Variants in NEK6 observed in about 807,000 individuals in gnomAD.
NEK6 encodes the protein NIMA related kinase 6, also known as serine/threonine-protein kinase Nek6.
Under a neutral mutation model 43.5 loss-of-function variants are expected in NEK6, and 27 were observed. That is an observed-to-expected ratio of 0.62 (90% CI 0.46 to 0.86). The LOEUF is 0.86. Among genes scored for constraint, NEK6 ranks in the 40% least tolerant of loss-of-function variants. The pLI, the probability that NEK6 is intolerant of heterozygous loss-of-function variation, is 0.00. For missense variants in NEK6, 318 were observed against 414.4 expected (o/e 0.77, Z 2.02); for synonymous variants, 167 against 164.1 (o/e 1.02, Z -0.14).
rs999593737 is a variant in NEK6, at chr9:124,275,384, G to C, written c.-30+17299G>C. Among the ~76,000 whole-genome samples the C allele has an allele frequency of 1.3e-5, 2 of 152,180 alleles. No individual in the cohort carries two copies. Among genetic ancestry groups the C allele is most frequent in the Non-Finnish European group, 2.9e-5 (2 of 68,034 alleles). ...CCCAGCACTGTGGAGGGGTGACCTG[G>C]TTGATGACGGTCATGGAGCCCAGAA... On this transcript the variant is annotated intron_variant, in intron 1 of 9. Transcript: ENST00000320246. This position sits in a 1 kb window ranked among gnomAD's most constrained non-coding sequence, Gnocchi z 4.4.
intron 2 of NEK6, among the ~76,000 whole-genome samples, chr9:124,305,033 T>G (rs569748941): frequency 9.8e-5 from 15 of 152,358 alleles, no homozygotes; most frequent in African/African-American, 3.1e-4. Flanking sequence ...TATTCTTGCC[T>G]GAGAAAGCCC....
At chr9:124,277,074 G>A (rs1831678572) in intron 1 of NEK6, among the ~76,000 whole-genome samples, 1 of 152,188 alleles carries the variant, frequency 6.6e-6, no homozygotes, top group African/African-American at 2.4e-5. Flanking sequence ...AGGCCAGTGG[G>A]GAGGCCCAGG....
chr9:124,264,660 G>T (rs981258898), intron 1 of NEK6, among the ~76,000 whole-genome samples: 1 of 151,972 alleles, frequency 6.6e-6, no homozygotes, highest in South Asian at 2.1e-4. Context: ...CGAAAAATTA[G>T]CTGGGCGTGG....
chr9:124,331,661 G>T (rs1829004558), intron 7 of NEK6, among the ~76,000 whole-genome samples: 1 of 152,256 alleles, frequency 6.6e-6, no homozygotes, highest in South Asian at 2.1e-4. Flanking sequence ...GGGAAGGACA[G>T]AGCCTCCTCT....
At chr9:124,314,014 TG>T in intron 4 of NEK6, 29 bp downstream of exon 4, 1 of 1,611,074 alleles carries the variant, frequency 6.2e-7, no homozygotes, top group Non-Finnish European at 8.5e-7. Context: ...GCGGGAGCTT[TG>T]CCTCCTCGGG....
At chr9:124,300,429 G>A (rs972479737) in intron 1 of NEK6, among the ~76,000 whole-genome samples, 1 of 152,114 alleles carries the variant, frequency 6.6e-6, no homozygotes, top group Non-Finnish European at 1.5e-5. Context: ...CAGGGCTGCT[G>A]GCCCAGCAGA....
At chr9:124,281,552 G>A (rs1404188223) in intron 1 of NEK6, among the ~76,000 whole-genome samples, 1 of 139,506 alleles carries the variant, frequency 7.2e-6, no homozygotes, top group Non-Finnish European at 1.5e-5. Context: ...CCAGACTGGA[G>A]TGCAGTGGTG....
At chr9:124,293,626 C>T (rs913045374) in intron 1 of NEK6, among the ~76,000 whole-genome samples, 1 of 152,182 alleles carries the variant, frequency 6.6e-6, no homozygotes, top group Non-Finnish European at 1.5e-5. Flanking sequence ...TGACTTTTGT[C>T]TGATCTGTGA....
chr9:124,287,066 A>G (rs895070793), intron 1 of NEK6, among the ~76,000 whole-genome samples: 14 of 152,114 alleles, frequency 9.2e-5, no homozygotes, highest in Non-Finnish European at 1.6e-4. Flanking sequence ...GGACAGAGGG[A>G]CAGCTGGCCA....
chr9:124,304,159 C>T (rs1245837901), intron 2 of NEK6, among the ~76,000 whole-genome samples: 3 of 152,238 alleles, frequency 2.0e-5, no homozygotes, highest in Non-Finnish European at 4.4e-5. Flanking sequence ...TGTGCCGTGC[C>T]GGCTCCAGGT....
intron 1 of NEK6, among the ~76,000 whole-genome samples, chr9:124,258,899 G>A (rs1830916700): frequency 6.6e-6 from 1 of 152,270 alleles, no homozygotes; most frequent in South Asian, 2.1e-4. Context: ...CCGAGGACGT[G>A]TGTTTTCCTA....
chr9:124,266,760 G>C (rs1831245254), intron 1 of NEK6, among the ~76,000 whole-genome samples: 1 of 152,234 alleles, frequency 6.6e-6, no homozygotes, highest in African/African-American at 2.4e-5. Flanking sequence ...CACGCGGCCG[G>C]ATCCTTGGAG....
At chr9:124,298,859 G>A (rs147419860) in intron 1 of NEK6, among the ~76,000 whole-genome samples, 200 of 152,342 alleles carry the variant, frequency 1.3e-3, no homozygotes, top group African/African-American at 4.5e-3. Flanking sequence ...GGTGAAGAGC[G>A]TAGGGCAGGG....
In NEK6 at chr9:124,351,594, A is replaced by T. The variant is rs911915393; in HGVS notation, c.*647A>T. ...ATCTTCTTGGCAGCCAGGCTGGGCC[A>T]TCTTCTCCTGGACACCTGCTGTGTA... On this transcript the variant is annotated 3_prime_UTR_variant, in exon 10 of 10. Transcript: ENST00000320246. 6.6e-6 allele frequency: 1 copy of T among 152,330 alleles called. No individual in the cohort carries two copies. Among genetic ancestry groups the T allele is most frequent in the African/African-American group, 2.4e-5 (1 of 41,452 alleles). 9.4% of individuals were successfully genotyped at this position (152,330 alleles called of 1,614,324 possible). A position where few individuals can be genotyped will look rare whatever the true frequency, so the allele number is the denominator to read the frequency against.
chr9:124,292,795 G>T, intron 1 of NEK6: 1 of 1,383,466 alleles, frequency 7.2e-7, no homozygotes, highest in Non-Finnish European at 9.6e-7. Context: ...CAACTGCTGG[G>T]GCCATGGAGA....
chr9:124,283,795 C>A (rs549052227), intron 1 of NEK6, among the ~76,000 whole-genome samples: 1 of 152,250 alleles, frequency 6.6e-6, no homozygotes, highest in Non-Finnish European at 1.5e-5. Context: ...AGCTGCTTCC[C>A]GTTCCGAGGA....
At chr9:124,337,617 A>G (rs1470826355) in intron 7 of NEK6, among the ~76,000 whole-genome samples, 1 of 152,236 alleles carries the variant, frequency 6.6e-6, no homozygotes, top group Non-Finnish European at 1.5e-5. Context: ...AGTGCTGTAC[A>G]GTATCCCACT....
intron 1 of NEK6, among the ~76,000 whole-genome samples, chr9:124,263,743 A>G (rs1334151359): frequency 6.6e-6 from 1 of 152,180 alleles, no homozygotes; most frequent in East Asian, 1.9e-4. Flanking sequence ...TCCTAGGATC[A>G]TGGCTCCCAA....
At chr9:124,263,077 G>C (rs886135919) in intron 1 of NEK6, 1 of 152,238 alleles carries the variant, frequency 6.6e-6, no homozygotes, top group African/African-American at 2.4e-5. Flanking sequence ...GCCCTCTCTT[G>C]TTCCTTGTCC....
Sources: allele counts gnomAD v4.1 joint callset (sites outside exome capture counted in the v4.1 genomes callset), GRCh38; gene constraint gnomAD v4.1.1; non-coding constraint Gnocchi (gnomAD v3.1); transcripts MANE v1.5; gene names NCBI Gene and HGNC (gene_info 2026-07-23, HGNC 2026-07-21).